The following WDR75 variants were observed in gnomAD, a reference collection of about 807,000 sequenced individuals.
WDR75 encodes the protein WD repeat-containing protein 75.
WDR75 carries 52 observed loss-of-function variants against 106.1 expected under a neutral mutation model. The ratio of observed to expected loss-of-function variants is 0.49; its 90% confidence interval spans 0.39 to 0.62. WDR75 has a LOEUF of 0.62. WDR75 is among the 20% of genes least tolerant of loss of function. WDR75 has a pLI of 0.00. For synonymous variants in WDR75, 333 were observed against 335.5 expected, an observed-to-expected ratio of 0.99 and a Z score of 0.08; for missense variants, 905 against 970.3, an observed-to-expected ratio of 0.93 and a Z score of 0.89.
At chr2:189,470,002 G>T in intron 16 of WDR75, 74 bp from the exon 17 acceptor site, 1 of 1,341,570 alleles carries the variant, frequency 7.5e-7, no homozygotes, top group South Asian at 1.3e-5. Context: ...CAGGATTAGT[G>T]TGATCTGCCA....
In WDR75 at chr2:189,458,870, T is replaced by G. The variant is rs759930843; in HGVS notation, c.687T>G (p.Leu229=). The change falls in exon 7 of 21, where the codon CTT becomes CTG. Residue 229 remains leucine, a splice_region_variant and synonymous_variant. Coordinates refer to ENST00000314761, the MANE Select transcript of WDR75 (RefSeq NM_032168.3). ...ASGHMDGKIR[L]WRNFYDDKKY... is the part of the protein sequence containing the mutation. ...GTCACATGGATGGCAAAATTCGTCT[T>G]TGGTCAGTTTGCTCATGAAGAGCAT... 6.2e-7 allele frequency: 1 copy of G among 1,600,816 alleles called. No individual in the cohort carries two copies. Among genetic ancestry groups the G allele is most frequent in the South Asian group, 1.1e-5 (1 of 87,768 alleles).
Position 189,455,432 on chromosome 2 carries a change from C to T in WDR75, c.486C>T (p.Ala162=), listed in dbSNP as rs747152264. Residue 162 remains alanine, a synonymous_variant, in exon 5 of 21, where the codon GCC becomes GCT. Transcript: ENST00000314761. The part of the protein sequence containing the change: ...DYINQSPKCI[A]FGNEGVYVAA... ...TAAACCAGTCACCCAAGTGCATTGC[C>T]TTTGGAAACGAGGTAAATTTTGTTT... The T allele has an allele frequency of 6.2e-7, 1 of 1,604,368 alleles. No individual in the cohort carries two copies. The highest frequency in any genetic ancestry group is 8.5e-7 in the Non-Finnish European group (1 of 1,176,704).
intron 11 of WDR75, 117 bp downstream of exon 11, chr2:189,464,078 A>G: frequency 2.4e-6 from 2 of 841,092 alleles, no homozygotes; most frequent in African/African-American, 1.7e-5. Flanking sequence ...TTACTTGAAC[A>G]TAGTATTATC....
intron 15 of WDR75, 71 bp downstream of exon 15, chr2:189,468,640 A>G: frequency 6.8e-7 from 1 of 1,472,422 alleles, no homozygotes; most frequent in South Asian, 1.1e-5. Flanking sequence ...TTGGCATTTT[A>G]GGACTTAGGG....
At chr2:189,449,207 G>T in intron 2 of WDR75, 1 of 1,278,062 alleles carries the variant, frequency 7.8e-7, no homozygotes, top group Non-Finnish European at 1.0e-6. Flanking sequence ...TTTTGTTCTT[G>T]CTCTTATTTT....
chr2:189,469,234 T>C lies in WDR75; in HGVS notation c.1724-110T>C, dbSNP rs1004249418. 36 of 795,028 alleles carry C rather than the reference T, an allele frequency of 4.5e-5. No individual in the cohort carries two copies. The African/African-American group carries it at 5.4e-4, about 12-fold the overall frequency. 49.2% of individuals were successfully genotyped at this position (795,028 alleles called of 1,614,324 possible). A position where few individuals can be genotyped will look rare whatever the true frequency, so the allele number is the denominator to read the frequency against. On this transcript the variant is annotated intron_variant, in intron 15 of 20. Transcript: ENST00000314761. ...TACAAATCATTTCAGTGTGTCTCCA[T>C]GTGTGTTAGTTGGAAGCATAAGATT...
chr2:189,455,568 C>A, intron 5 of WDR75, 124 bp downstream of exon 5: 2 of 1,234,768 alleles, frequency 1.6e-6, no homozygotes, highest in Non-Finnish European at 2.2e-6. Context: ...GTATTAGTAA[C>A]TAAGAAGCCT....
At chr2:189,442,376 A>G (rs750191007) in intron 1 of WDR75, among the ~76,000 whole-genome samples, 4 of 151,770 alleles carry the variant, frequency 2.6e-5, no homozygotes, top group Non-Finnish European at 2.9e-5. Flanking sequence ...ATAAAATCAA[A>G]AAACCCTTTC....
chr2:189,445,239 A>G (rs938737985), intron 1 of WDR75, among the ~76,000 whole-genome samples: 1 of 152,242 alleles, frequency 6.6e-6, no homozygotes, highest in Non-Finnish European at 1.5e-5. Flanking sequence ...TTCAGCTAAT[A>G]CATAATAAAG....
chr2:189,457,228 C>T (rs930036185), intron 5 of WDR75, 83 bp from the exon 6 acceptor site: 14 of 930,016 alleles, frequency 1.5e-5, no homozygotes, highest in African/African-American at 5.2e-5. Flanking sequence ...GGGACAAGAG[C>T]GAGACTTTGT....
intron 2 of WDR75, chr2:189,450,682 T>C: frequency 1.5e-6 from 2 of 1,344,906 alleles, no homozygotes; most frequent in South Asian, 3.6e-5. Flanking sequence ...GCTTTTTTCC[T>C]CTCTCTTTTA....
At chr2:189,467,095 C>T (rs1687018525) in intron 13 of WDR75, among the ~76,000 whole-genome samples, 2 of 152,020 alleles carry the variant, frequency 1.3e-5, no homozygotes, top group Admixed American at 6.6e-5. Flanking sequence ...TCCAAGACCC[C>T]CCCGCCCCAG....
chr2:189,449,448 G>A lies in WDR75; in HGVS notation c.216+940G>A, dbSNP rs1490633560. On this transcript the variant is annotated intron_variant, in intron 2 of 20. Transcript: ENST00000314761. ...TCTGAGGGTTTGACAAAAGTTTATCGCTGTGTGTAGTGTTTGAATGTTTTT... is the reference window on the plus strand; with the variant it reads ...TCTGAGGGTTTGACAAAAGTTTATCACTGTGTGTAGTGTTTGAATGTTTTT... 1.3e-5 allele frequency: 16 copies of A among 1,192,336 alleles called. No homozygotes were observed. The East Asian group carries it at 1.7e-4, about 13-fold the overall frequency. 73.9% of individuals were successfully genotyped at this position (1,192,336 alleles called of 1,614,324 possible).
At chr2:189,464,503 A>G (rs1474880844) in intron 11 of WDR75, among the ~76,000 whole-genome samples, 2 of 152,128 alleles carry the variant, frequency 1.3e-5, no homozygotes, top group Non-Finnish European at 2.9e-5. Flanking sequence ...AAAAAAAAGG[A>G]AGCATATTAA....
intron 1 of WDR75, among the ~76,000 whole-genome samples, 193 bp downstream of exon 1, chr2:189,441,771 C>G (rs544002465): frequency 3.5e-4 from 54 of 152,136 alleles, no homozygotes; most frequent in Non-Finnish European, 6.6e-4. Context: ...GTTGCGTCCC[C>G]CGATTCCTGG....
rs748227202 is a variant in WDR75 at position 189,457,333 on chromosome 2, G to A, written c.521G>A (p.Arg174Gln). Reference sequence around the variant, plus strand: ...TAGGGAGTATATGTTGCTGCAGTACGGGAATTTTACTTGTCTGTTTATTTT... The same window carrying A: ...TAGGGAGTATATGTTGCTGCAGTACAGGAATTTTACTTGTCTGTTTATTTT... ...GNEGVYVAAV[R>Q]EFYLSVYFFK... The change falls in exon 6 of 21, where the codon CGG becomes CAG. Residue 174 changes from arginine to glutamine, a missense_variant. Arg to Gln is a conservative substitution (Grantham distance 43, BLOSUM62 1). Coordinates refer to ENST00000314761, the MANE Select transcript of WDR75 (RefSeq NM_032168.3). 24 of 1,604,020 alleles carry A rather than the reference G, an allele frequency of 1.5e-5. No individual in the cohort carries two copies. The highest frequency in any genetic ancestry group is 2.0e-5 in the Non-Finnish European group (24 of 1,172,178).
In WDR75 at chr2:189,455,348, G is replaced by C; in HGVS notation, c.402G>C (p.Leu134=). The change falls in exon 5 of 21, where the codon CTG becomes CTC. Residue 134 remains leucine, a synonymous_variant. Coordinates refer to ENST00000314761, the MANE Select transcript of WDR75 (RefSeq NM_032168.3). ...TATTTCAGCTGGTTTCAGTGAAACT[G>C]CCAAAATCCTCAAGCCAGGAAGTAG... ...PDIFQLVSVK[L]PKSSSQEVEA... 1 of 1,614,050 alleles carries C rather than the reference G, an allele frequency of 6.2e-7. No homozygotes were observed. The highest frequency in any genetic ancestry group is 8.5e-7 in the Non-Finnish European group (1 of 1,179,960).
Position 189,465,235 on chromosome 2 carries a change from TATA to T in WDR75, c.1275_1277del (p.Asn425del). ...TGAATTGCAAATGAAACTGTGGATGTATAATAAGAAAACACAAGGGTAATACTA... is the reference window on the plus strand; with the variant it reads ...TGAATTGCAAATGAAACTGTGGATGTATAAGAAAACACAAGGGTAATACTA... On this transcript the variant is annotated inframe_deletion, in exon 12 of 21. Coordinates refer to ENST00000314761, the MANE Select transcript of WDR75 (RefSeq NM_032168.3). 6.2e-7 allele frequency: 1 copy of T among 1,612,250 alleles called. No individual in the cohort carries two copies. Among genetic ancestry groups the T allele is most frequent in the Non-Finnish European group, 8.5e-7 (1 of 1,178,930 alleles).
Position 189,457,374 on chromosome 2 carries a change from A to C in WDR75, c.562A>C (p.Thr188Pro), listed in dbSNP as rs1377937954. ...LSVYFFKKKT[T>P]SRFTLSSSRN... Reference sequence around the variant, plus strand: ...TGTTTATTTTTTCAAAAAGAAAACAACATCAAGGTAAGAATTATTTTTTAT... The same window carrying C: ...TGTTTATTTTTTCAAAAAGAAAACACCATCAAGGTAAGAATTATTTTTTAT... The change falls in exon 6 of 21, where the codon ACA (threonine) becomes CCA (proline). Residue 188 changes from threonine (T) to proline (P), a missense_variant. By Grantham distance (38) the Thr-to-Pro change is conservative. Transcript: ENST00000314761. The C allele has an allele frequency of 2.5e-6, 4 of 1,588,244 alleles. No homozygotes were observed. The highest frequency in any genetic ancestry group is 3.5e-6 in the Non-Finnish European group (4 of 1,158,438).
Sources: gnomAD v4.1 joint callset for allele counts (sites outside exome capture counted in the v4.1 genomes callset) on GRCh38, gnomAD v4.1.1 for gene constraint, MANE v1.5 for transcripts, NCBI Gene and HGNC (gene_info 2026-07-23, HGNC 2026-07-21) for gene names.